The following IMPG1 variants were observed in gnomAD, a reference collection of about 807,000 sequenced individuals.
The protein encoded by IMPG1 is interphotoreceptor matrix proteoglycan of 150 kDa.
In IMPG1, 85 loss-of-function variants were observed where a neutral mutation model predicts 92.0. The ratio of observed to expected loss-of-function variants is 0.92; its 90% CI spans 0.78 to 1.11. IMPG1 has a LOEUF of 1.11. Among genes scored for constraint, IMPG1 ranks in the 50% least tolerant of loss-of-function variants. IMPG1 has a pLI of 0.00. For missense variants in IMPG1, 1,022 were observed against 956.0 expected (o/e 1.07, Z -0.91); for synonymous variants, 367 against 334.1 (o/e 1.10, Z -1.08).
intron 4 of IMPG1, among the ~76,000 whole-genome samples, chr6:76,031,936 T>A (rs1783659514): frequency 6.6e-6 from 1 of 152,270 alleles, no homozygotes; most frequent in Non-Finnish European, 1.5e-5. Context: ...ATCTGTAATT[T>A]GGGAAGCTGA....
At chr6:75,923,815 G>C in intron 15 of IMPG1, 109 bp from the exon 16 acceptor site, 1 of 634,822 alleles carries the variant, frequency 1.6e-6, no homozygotes, top group Non-Finnish European at 2.7e-6. Context: ...AGTGAAAATA[G>C]ATAGCATATT....
rs35490140 is a variant in IMPG1 at position 75,965,606 on chromosome 6, C to CTTTTTTTTTTTT, written c.1292-14524_1292-14513dup. Among the ~76,000 whole-genome samples the CTTTTTTTTTTTT allele has an allele frequency of 2.8e-4, 31 of 112,500 alleles. 1 individual carries two copies. The highest frequency in any genetic ancestry group is 3.7e-4 in the Non-Finnish European group (22 of 59,940). 73.8% of individuals were successfully genotyped at this position (112,500 alleles called of 152,430 possible). On this transcript the variant is annotated intron_variant, in intron 12 of 16. Transcript: ENST00000369950. ...TGTTTATATTTTCTACATACTTGTT[C>CTTTTTTTTTTTT]TTTTTTTTTTTTTTTTTTTGAGACG...
chr6:76,030,658 G>A (rs985507595), intron 4 of IMPG1, among the ~76,000 whole-genome samples: 7 of 152,086 alleles, frequency 4.6e-5, no homozygotes, highest in Non-Finnish European at 8.8e-5. Flanking sequence ...ACTCCAAACA[G>A]TCATGCAACC....
intron 8 of IMPG1, among the ~76,000 whole-genome samples, chr6:76,009,619 T>A (rs1231451037): frequency 6.6e-6 from 1 of 152,244 alleles, no homozygotes; most frequent in East Asian, 1.9e-4. Flanking sequence ...ATCATGGAAA[T>A]CACTGGGAAA....
Position 75,930,936 on chromosome 6 carries a change from T to G in IMPG1, c.2243+17A>C. 1 of 1,609,698 alleles carries G rather than the reference T, an allele frequency of 6.2e-7. No individual in the cohort carries two copies. Among genetic ancestry groups the G allele is most frequent in the Non-Finnish European group, 8.5e-7 (1 of 1,175,990 alleles). On this transcript the variant is annotated intron_variant, in intron 15 of 16. Transcript: ENST00000369950. ...TAATGAGTTCTTGAGTCTGTGACGT[T>G]AGCATGCTTGACCCACCTGCATGGA...
intron 1 of IMPG1, among the ~76,000 whole-genome samples, chr6:76,047,529 A>G (rs1052418757): frequency 1.3e-5 from 2 of 152,202 alleles, no homozygotes; most frequent in African/African-American, 4.8e-5. Flanking sequence ...CCTGTCTTGA[A>G]TACTAATTTG....
intron 7 of IMPG1, among the ~76,000 whole-genome samples, chr6:76,013,784 C>T (rs1282834180): frequency 6.6e-6 from 1 of 152,126 alleles, no homozygotes; most frequent in Admixed American, 6.6e-5. Flanking sequence ...GTGTTGTCAC[C>T]ACATCAAAAA....
At chr6:75,923,531 A>T in intron 16 of IMPG1, 103 bp downstream of exon 16, 1 of 675,378 alleles carries the variant, frequency 1.5e-6, no homozygotes. Flanking sequence ...AATAAAAAGT[A>T]TCTTGCTTAT....
chr6:75,953,215 T>C (rs931391329), intron 12 of IMPG1, among the ~76,000 whole-genome samples: 1 of 152,224 alleles, frequency 6.6e-6, no homozygotes, highest in African/African-American at 2.4e-5. Context: ...AATAGGCTTC[T>C]ACATTATGTC....
At chr6:75,934,513 C>G (rs1396502164) in intron 14 of IMPG1, among the ~76,000 whole-genome samples, 1 of 152,130 alleles carries the variant, frequency 6.6e-6, no homozygotes, top group African/African-American at 2.4e-5. Context: ...ACCGTGTGAT[C>G]AAAAAGCATT....
chr6:76,017,192 G>A (rs1783304294), intron 7 of IMPG1, among the ~76,000 whole-genome samples: 1 of 126,914 alleles, frequency 7.9e-6, no homozygotes, highest in Non-Finnish European at 1.7e-5. Context: ...ATATGGTGAG[G>A]CTCAAAAAAA....
intron 5 of IMPG1, among the ~76,000 whole-genome samples, chr6:76,024,408 A>G (rs1420706645): frequency 2.9e-5 from 4 of 139,788 alleles, no homozygotes; most frequent in Non-Finnish European, 4.8e-5. Flanking sequence ...TTATGTGAAA[A>G]TGGGAAGACT....
chr6:75,931,510 A>T (rs1429880744), intron 14 of IMPG1, among the ~76,000 whole-genome samples: 1 of 152,060 alleles, frequency 6.6e-6, no homozygotes, highest in African/African-American at 2.4e-5. Flanking sequence ...GGTGATGCTG[A>T]TGCATCTGGT....
At chr6:75,992,702 T>C (rs540969390) in intron 12 of IMPG1, among the ~76,000 whole-genome samples, 1 of 152,316 alleles carries the variant, frequency 6.6e-6, no homozygotes, top group African/African-American at 2.4e-5. Context: ...TTTTTCTGAC[T>C]TTTAAGGCCC....
chr6:75,940,974 T>C (rs1781829791), intron 14 of IMPG1, among the ~76,000 whole-genome samples: 1 of 152,204 alleles, frequency 6.6e-6, no homozygotes, highest in African/African-American at 2.4e-5. Context: ...TTCACCTCTG[T>C]AGAATTAATT....
At chr6:75,938,858 A>C (rs1562340383) in intron 14 of IMPG1, among the ~76,000 whole-genome samples, 1 of 152,190 alleles carries the variant, frequency 6.6e-6, no homozygotes, top group Non-Finnish European at 1.5e-5. Context: ...AAAAAATACT[A>C]TACTGACCAA....
intron 4 of IMPG1, among the ~76,000 whole-genome samples, chr6:76,027,573 T>C (rs2149485659): frequency 6.6e-6 from 1 of 152,334 alleles, no homozygotes; most frequent in Middle Eastern, 3.4e-3. Flanking sequence ...TGTATTAAAT[T>C]ATATAGAAAA....
intron 15 of IMPG1, among the ~76,000 whole-genome samples, chr6:75,926,623 A>G (rs933195443): frequency 6.6e-6 from 1 of 152,228 alleles, no homozygotes; most frequent in African/African-American, 2.4e-5. Context: ...GAGAATGTTA[A>G]GGCCTGAGAA....
chr6:76,015,800 CAAAAA>C (rs35389302), intron 7 of IMPG1, among the ~76,000 whole-genome samples: 12 of 66,728 alleles, frequency 1.8e-4, no homozygotes, highest in African/African-American at 4.9e-4. Context: ...AACTCTGTCT[CAAAAA>C]AAAAAAAAAA....
Sources: allele counts gnomAD v4.1 joint callset (sites outside exome capture counted in the v4.1 genomes callset), GRCh38; gene constraint gnomAD v4.1.1; transcripts MANE v1.5; gene names NCBI Gene and HGNC (gene_info 2026-07-23, HGNC 2026-07-21).